Variants in SEMA6D observed in about 807,000 individuals in gnomAD.
SEMA6D encodes the protein semaphorin-6D.
SEMA6D carries 35 observed loss-of-function variants against 106.6 expected under a neutral mutation model. That is an observed-to-expected ratio of 0.33 (90% CI 0.25 to 0.44). The LOEUF (loss-of-function observed/expected upper bound fraction) is 0.44, where lower values mean the gene tolerates loss of function less well. Ranked by LOEUF, SEMA6D falls within the 20% of genes least tolerant of loss-of-function variation. The probability of loss-of-function intolerance (pLI) is 1.00; values close to 1 mark genes in which losing one functional copy is unlikely to be tolerated. For missense variants in SEMA6D, 1,185 were observed against 1,345.9 expected, an observed-to-expected ratio of 0.88 and a Z score of 1.87; for synonymous variants, 499 against 487.7, an observed-to-expected ratio of 1.02 and a Z score of -0.31.
chr15:47,745,672 G>A (rs1044650318), intron 1 of SEMA6D, among the ~76,000 whole-genome samples: 1 of 152,210 alleles, frequency 6.6e-6, no homozygotes, highest in Non-Finnish European at 1.5e-5. Context: ...AAAGGCTGCA[G>A]GTAATGCACA....
intron 1 of SEMA6D, among the ~76,000 whole-genome samples, chr15:47,739,007 T>C (rs545651916): frequency 6.6e-6 from 1 of 152,266 alleles, no homozygotes; most frequent in African/African-American, 2.4e-5. Context: ...TTAGGCTGTT[T>C]CATACTTCAG....
chr15:47,217,094 T>C (rs1390650824), intron 1 of SEMA6D, among the ~76,000 whole-genome samples: 1 of 152,174 alleles, frequency 6.6e-6, no homozygotes, highest in East Asian at 1.9e-4. Flanking sequence ...TGAATCTGCC[T>C]GGACCTTGAT....
At chr15:47,330,319 C>T (rs1010444079) in intron 1 of SEMA6D, among the ~76,000 whole-genome samples, 5 of 152,136 alleles carry the variant, frequency 3.3e-5, no homozygotes, top group Admixed American at 3.3e-4. Context: ...TTTCTTTCTG[C>T]CTTGGGTAAG....
intron 3 of SEMA6D, among the ~76,000 whole-genome samples, chr15:47,581,144 A>G (rs1242831040): frequency 6.6e-6 from 1 of 152,160 alleles, no homozygotes; most frequent in Non-Finnish European, 1.5e-5. Flanking sequence ...GTACAGTAGT[A>G]TTTATGTATA....
intron 1 of SEMA6D, among the ~76,000 whole-genome samples, chr15:47,750,858 A>G (rs1748847494): frequency 6.6e-6 from 1 of 152,178 alleles, no homozygotes; most frequent in South Asian, 2.1e-4. Context: ...ACACCTGCAC[A>G]CAGAAGCTGC....
chr15:47,487,326 C>A (rs966734905), intron 3 of SEMA6D, among the ~76,000 whole-genome samples: 1 of 152,100 alleles, frequency 6.6e-6, no homozygotes, highest in Non-Finnish European at 1.5e-5. Context: ...TCTATCGATG[C>A]CCCTCCCTCC....
At chr15:47,512,638 A>G (rs903307512) in intron 3 of SEMA6D, among the ~76,000 whole-genome samples, 2 of 152,192 alleles carry the variant, frequency 1.3e-5, no homozygotes, top group Non-Finnish European at 2.9e-5. Context: ...AAAGGCCTAG[A>G]ATCCTGGACA....
chr15:47,509,021 A>T (rs1213154379), intron 3 of SEMA6D, among the ~76,000 whole-genome samples: 1 of 151,984 alleles, frequency 6.6e-6, no homozygotes, highest in Non-Finnish European at 1.5e-5. Flanking sequence ...CAGGTTTGAT[A>T]CCATTTTCCT....
rs2037366676 is a variant in SEMA6D at position 47,332,127 on chromosome 15, G to T, written c.-238-80266G>T. ...CTTATCTGAAGAATGAGCGTAAATG[G>T]CATTAATGCACCTAACAAGACATCT... On this transcript the variant is annotated intron_variant, in intron 1 of 19. Coordinates refer to the SEMA6D transcript ENST00000558014. Among the ~76,000 whole-genome samples the T allele has an allele frequency of 3.3e-5, 5 of 152,110 alleles. No homozygotes were observed. The South Asian group carries it at 1.0e-3, about 32-fold the overall frequency.
At chr15:47,237,972 G>A (rs375639459) in intron 1 of SEMA6D, among the ~76,000 whole-genome samples, 84 of 152,190 alleles carry the variant, frequency 5.5e-4, no homozygotes, top group Non-Finnish European at 1.0e-3. Flanking sequence ...AAAGGTCAGC[G>A]GTTACAGGGA....
chr15:47,763,995 A>G lies in SEMA6D; in HGVS notation c.893A>G (p.Gln298Arg). ...GDSFFYFDVL[Q>R]SITDIIQING... ...TCGTTTTTCTACTTTGATGTTCTGCAGTCTATTACAGACATAATACAAATC... is the reference window on the plus strand; with the variant it reads ...TCGTTTTTCTACTTTGATGTTCTGCGGTCTATTACAGACATAATACAAATC... The change falls in exon 10 of 19, where the codon CAG (glutamine) becomes CGG (arginine). Residue 298 changes from glutamine (Q) to arginine (R), a missense_variant. Coordinates refer to ENST00000536845, the MANE Select transcript of SEMA6D (RefSeq NM_001358351.3). 1 of 1,613,940 alleles carries G rather than the reference A, an allele frequency of 6.2e-7. No homozygotes were observed. The highest frequency in any genetic ancestry group is 8.5e-7 in the Non-Finnish European group (1 of 1,179,878).
intron 1 of SEMA6D, among the ~76,000 whole-genome samples, chr15:47,396,140 G>T (rs758616806): frequency 7.9e-5 from 12 of 152,054 alleles, no homozygotes; most frequent in Non-Finnish European, 1.3e-4. Context: ...AAACCCGACC[G>T]TGCTGGCACC....
intron 1 of SEMA6D, among the ~76,000 whole-genome samples, chr15:47,219,701 A>G (rs556120107): frequency 3.9e-5 from 6 of 152,230 alleles, no homozygotes; most frequent in Admixed American, 6.5e-5. Context: ...TACTTTATCA[A>G]TTAGCTATTG....
upstream of SEMA6D, among the ~76,000 whole-genome samples, chr15:47,714,288 T>G (rs2079071410): frequency 6.6e-6 from 1 of 152,158 alleles, no homozygotes; most frequent in African/African-American, 2.4e-5. Context: ...TCTGTGACAT[T>G]AGGCAATTCA....
intron 1 of SEMA6D, among the ~76,000 whole-genome samples, chr15:47,749,785 AAGTGTCATGTGAGCACATCCC>A (rs1204426679): frequency 2.0e-5 from 3 of 152,168 alleles, no homozygotes; most frequent in Admixed American, 6.5e-5. Context: ...TGAAGAAGGT[AAGTGTCATGTGAGCACATCCC>A]TAGAGACCCG....
At chr15:47,631,323 T>G (rs10220751) in intron 4 of SEMA6D, among the ~76,000 whole-genome samples, 62,863 of 151,540 alleles carry the variant, frequency 0.41, 13,128 homozygotes, top group East Asian at 0.5. Flanking sequence ...TTAGCAGTTT[T>G]TGGTTTTTGA....
chr15:47,635,957 TAAAAA>T (rs5812405), intron 4 of SEMA6D, among the ~76,000 whole-genome samples: 1 of 140,730 alleles, frequency 7.1e-6, no homozygotes, highest in Non-Finnish European at 1.5e-5. Context: ...ACTTAAATGC[TAAAAA>T]AAAAAAAAAA....
chr15:47,755,731 A>C (rs1237864435), intron 1 of SEMA6D, among the ~76,000 whole-genome samples: 1 of 151,656 alleles, frequency 6.6e-6, no homozygotes, highest in Admixed American at 6.6e-5. Context: ...TGGGACCTAA[A>C]CTTGTGACTG....
chr15:47,528,330 C>T (rs1037541870), intron 3 of SEMA6D, among the ~76,000 whole-genome samples: 1 of 152,178 alleles, frequency 6.6e-6, no homozygotes, highest in African/African-American at 2.4e-5. Flanking sequence ...TTGCTCATCA[C>T]TTCATGGCTC....
Sources: gnomAD v4.1 joint callset for allele counts (sites outside exome capture counted in the v4.1 genomes callset) on GRCh38, gnomAD v4.1.1 for gene constraint, MANE v1.5 for transcripts, NCBI Gene and HGNC (gene_info 2026-07-23, HGNC 2026-07-21) for gene names.